The following RORA variants were observed in gnomAD, a reference collection of about 807,000 sequenced individuals.
The protein encoded by RORA is RAR related orphan receptor A.
In RORA, 7 loss-of-function variants were observed where a neutral mutation model predicts 69.5. The observed-to-expected ratio is 0.10, with a 90% confidence interval of 0.06 to 0.19. The LOEUF is 0.19. Ranked by LOEUF, RORA falls within the 10% of genes least tolerant of loss-of-function variation. The pLI is 1.00. For synonymous variants in RORA, 261 were observed against 240.8 expected, an observed-to-expected ratio of 1.08 and a Z score of -0.78; for missense variants, 457 against 663.0, an observed-to-expected ratio of 0.69 and a Z score of 3.41.
intron 2 of RORA, among the ~76,000 whole-genome samples, chr15:60,551,292 C>A (rs536033895): frequency 4.3e-4 from 65 of 151,732 alleles, no homozygotes; most frequent in Non-Finnish European, 8.2e-4. Context: ...CCACTCTGAC[C>A]TCAATATGGA....
chr15:60,910,762 A>C (rs1230655222), intron 1 of RORA, among the ~76,000 whole-genome samples: 1 of 152,220 alleles, frequency 6.6e-6, no homozygotes, highest in Non-Finnish European at 1.5e-5. Context: ...AAAGGTTAAA[A>C]GAGTGATACT....
chr15:61,227,205 C>A (rs559447922), intron 1 of RORA, among the ~76,000 whole-genome samples: 80 of 103,306 alleles, frequency 7.7e-4, no homozygotes, highest in African/African-American at 2.1e-3. Flanking sequence ...ATGTCCCCCC[C>A]ATTCCAAAAA....
At chr15:60,897,494 A>G (rs1201399565) in intron 1 of RORA, among the ~76,000 whole-genome samples, 1 of 152,242 alleles carries the variant, frequency 6.6e-6, no homozygotes, top group Non-Finnish European at 1.5e-5. Context: ...TGACCTCAGT[A>G]ATGGTTCCAG....
Position 60,683,740 on chromosome 15 carries a change from G to A in RORA, c.167-5054C>T, listed in dbSNP as rs75027965. 5.7e-4 allele frequency among the ~76,000 whole-genome samples: 86 copies of A among 151,864 alleles called. No homozygotes were observed. In the East Asian group the frequency reaches 0.015, roughly 27 times the overall value. The stretch of plus-strand genomic sequence containing the variant: ...CAATTTCTAACTTAACAATATGACA[G>A]AAGTTTTAAATTGCCAATTAAACCC... On this transcript the variant is annotated intron_variant, in intron 1 of 10. Transcript: ENST00000335670.
chr15:61,211,455 C>G (rs2140937305), intron 1 of RORA, among the ~76,000 whole-genome samples: 1 of 152,312 alleles, frequency 6.6e-6, no homozygotes, highest in South Asian at 2.1e-4. Flanking sequence ...ACTGTCAGAT[C>G]AAACACACAC....
intron 2 of RORA, among the ~76,000 whole-genome samples, chr15:60,586,601 G>C (rs890243813): frequency 1.3e-5 from 2 of 152,136 alleles, no homozygotes; most frequent in Non-Finnish European, 2.9e-5. Flanking sequence ...AAGTACAAAG[G>C]AGAGAGTTAT....
chr15:61,012,563 T>C (rs1166183713), intron 1 of RORA, among the ~76,000 whole-genome samples: 1 of 152,210 alleles, frequency 6.6e-6, no homozygotes, highest in African/African-American at 2.4e-5. Context: ...ATCACTTTAA[T>C]AATAGACTTG....
At chr15:60,910,417 C>A (rs1891671531) in intron 1 of RORA, among the ~76,000 whole-genome samples, 1 of 152,154 alleles carries the variant, frequency 6.6e-6, no homozygotes, top group African/African-American at 2.4e-5. Context: ...ATAGTAATAG[C>A]CATCTGCGGT....
chr15:61,032,884 T>C (rs977332625), intron 1 of RORA, among the ~76,000 whole-genome samples: 4 of 152,204 alleles, frequency 2.6e-5, no homozygotes, highest in East Asian at 3.9e-4. Flanking sequence ...TATATAAATA[T>C]TACATGCGTA....
intron 1 of RORA, among the ~76,000 whole-genome samples, chr15:61,205,006 C>T (rs946589322): frequency 6.6e-6 from 1 of 152,208 alleles, no homozygotes; most frequent in Non-Finnish European, 1.5e-5. Flanking sequence ...TTGCTGTTCT[C>T]GTGTTTGGCC....
intron 1 of RORA, among the ~76,000 whole-genome samples, chr15:60,813,353 C>T (rs559691714): frequency 8.5e-5 from 13 of 152,316 alleles, no homozygotes; most frequent in African/African-American, 3.1e-4. Flanking sequence ...CTTTCTGTAT[C>T]TTCATTGAGT....
intron 1 of RORA, among the ~76,000 whole-genome samples, chr15:60,788,214 C>A (rs1439746136): frequency 6.6e-6 from 1 of 152,182 alleles, no homozygotes; most frequent in African/African-American, 2.4e-5. Flanking sequence ...TCATCCACTC[C>A]ACTGACATTT....
chr15:60,937,365 T>G (rs1265490667), intron 1 of RORA, among the ~76,000 whole-genome samples: 1 of 152,218 alleles, frequency 6.6e-6, no homozygotes. Context: ...ATAAGGCTTT[T>G]GTCTTGGTGA....
At chr15:60,643,779 C>T (rs536072752) in intron 2 of RORA, among the ~76,000 whole-genome samples, 26 of 152,202 alleles carry the variant, frequency 1.7e-4, no homozygotes, top group Non-Finnish European at 3.4e-4. Context: ...TTGGAACCCA[C>T]AGAGGCAGCC....
chr15:61,176,003 A>G (rs1394975212), intron 1 of RORA: 3 of 152,262 alleles, frequency 2.0e-5, no homozygotes, highest in African/African-American at 4.8e-5. Context: ...ATAGTTTGGT[A>G]ATACACCATC....
At chr15:61,021,589 C>A (rs1895526576) in intron 1 of RORA, among the ~76,000 whole-genome samples, 1 of 152,204 alleles carries the variant, frequency 6.6e-6, no homozygotes, top group Non-Finnish European at 1.5e-5. Context: ...ACACTCCTAG[C>A]CACAGAACAA....
At chr15:60,612,996 CT>C (rs2069134522) in intron 2 of RORA, among the ~76,000 whole-genome samples, 1 of 149,140 alleles carries the variant, frequency 6.7e-6, no homozygotes, top group Non-Finnish European at 1.5e-5. Flanking sequence ...TTTTTTTTTA[CT>C]TATCTTTAAG....
chr15:61,185,820 G>C (rs1206018301), intron 1 of RORA, among the ~76,000 whole-genome samples: 1 of 152,032 alleles, frequency 6.6e-6, no homozygotes, highest in African/African-American at 2.4e-5. Flanking sequence ...AAGGTCGTCG[G>C]CAGTCACACA....
At chr15:60,943,742 C>T (rs1011391657) in intron 1 of RORA, among the ~76,000 whole-genome samples, 1 of 151,202 alleles carries the variant, frequency 6.6e-6, no homozygotes, top group African/African-American at 2.4e-5. Context: ...ACGGTGAAAC[C>T]CCATCACTAC....
Sources: gnomAD v4.1 joint callset for allele counts (sites outside exome capture counted in the v4.1 genomes callset) on GRCh38, gnomAD v4.1.1 for gene constraint, MANE v1.5 for transcripts, NCBI Gene and HGNC (gene_info 2026-07-23, HGNC 2026-07-21) for gene names.